Variants in DDHD1 observed in about 807,000 individuals in gnomAD.
The protein encoded by DDHD1 is phospholipase DDHD1.
A neutral mutation model predicts 96.4 loss-of-function variants in DDHD1; 49 were observed. The observed-to-expected ratio is 0.51, with a 90% CI of 0.40 to 0.64. The LOEUF (loss-of-function observed/expected upper bound fraction) is 0.64, where lower values mean the gene tolerates loss of function less well. Ranked by LOEUF, DDHD1 falls within the 30% of genes least tolerant of loss-of-function variation. The pLI, the probability that DDHD1 is intolerant of heterozygous loss-of-function variation, is 0.00. For synonymous variants in DDHD1, 442 were observed against 446.5 expected, an observed-to-expected ratio of 0.99 and a Z score of 0.13; for missense variants, 1,106 against 1,161.2, an observed-to-expected ratio of 0.95 and a Z score of 0.69.
At chr14:53,109,645 C>T (rs951362091) in intron 1 of DDHD1, among the ~76,000 whole-genome samples, 1 of 152,026 alleles carries the variant, frequency 6.6e-6, no homozygotes, top group Non-Finnish European at 1.5e-5. Context: ...GGAGGACATG[C>T]GGAGAGATTT....
intron 6 of DDHD1, among the ~76,000 whole-genome samples, chr14:53,064,184 T>A (rs1883830077): frequency 6.6e-6 from 1 of 152,100 alleles, no homozygotes; most frequent in Non-Finnish European, 1.5e-5. Context: ...TTGATAAGAA[T>A]ATCAACCAAT....
At chr14:53,089,477 A>G (rs1217498734) in intron 4 of DDHD1, among the ~76,000 whole-genome samples, 1 of 152,216 alleles carries the variant, frequency 6.6e-6, no homozygotes, top group African/African-American at 2.4e-5. Flanking sequence ...ATATACACCA[A>G]TGGAACAGAA....
intron 11 of DDHD1, 75 bp from the exon 12 acceptor site, chr14:53,052,002 A>G: frequency 9.6e-7 from 1 of 1,036,270 alleles, no homozygotes; most frequent in Non-Finnish European, 1.5e-6. Context: ...TGTAGTGGCC[A>G]AAAGTTAGAA....
chr14:53,069,925 G>A (rs912932477), intron 6 of DDHD1, among the ~76,000 whole-genome samples: 2 of 152,080 alleles, frequency 1.3e-5, no homozygotes, highest in African/African-American at 4.8e-5. Context: ...CAAAGGACTG[G>A]GTGTTCCCTT....
At chr14:53,088,972 G>C (rs1376847846) in intron 4 of DDHD1, among the ~76,000 whole-genome samples, 2 of 152,178 alleles carry the variant, frequency 1.3e-5, no homozygotes, top group African/African-American at 4.8e-5. Flanking sequence ...CTTCAGCAAA[G>C]TCTCGGGATA....
rs1192133294 is a variant in DDHD1 at position 53,113,123 on chromosome 14, C to T, written c.839-9267G>A. Among the ~76,000 whole-genome samples the T allele has an allele frequency of 2.6e-5, 4 of 151,664 alleles. No individual in the cohort carries two copies. The East Asian group carries it at 7.7e-4, about 29-fold the overall frequency. On this transcript the variant is annotated intron_variant, in intron 1 of 12. Transcript: ENST00000673822. Reference sequence around the variant, plus strand: ...TATAGGGGTGCACCACCACACCTGGCTAACTTTTCTATTTTTTTTTTTTAG... The same window carrying T: ...TATAGGGGTGCACCACCACACCTGGTTAACTTTTCTATTTTTTTTTTTTAG...
At chr14:53,093,571 A>G (rs541197670) in intron 2 of DDHD1, 127 bp from the exon 3 acceptor site, 2 of 1,212,488 alleles carry the variant, frequency 1.6e-6, no homozygotes, top group Admixed American at 2.8e-5. Context: ...ACTTAATTCA[A>G]TAAAACACTA....
In DDHD1 at chr14:53,051,896, G is replaced by C. The variant is rs1882609036; in HGVS notation, c.2469C>G (p.Leu823=). The C allele has an allele frequency of 1.3e-6, 2 of 1,596,984 alleles. No homozygotes were observed. The highest frequency in any genetic ancestry group is 1.7e-6 in the Non-Finnish European group (2 of 1,170,972). ...YFRLQESFFN[L]PQLLFPENVM... ...CATTTTCCGGAAAAAGAAGTTGTGG[G>C]AGATTAAAGAACGATTCTTGAAGTC... The change falls in exon 12 of 13, where the codon CTC becomes CTG. Residue 823 remains leucine (L), a synonymous_variant. Transcript: ENST00000673822.
intron 4 of DDHD1, among the ~76,000 whole-genome samples, chr14:53,083,069 T>G (rs1396025008): frequency 6.6e-6 from 1 of 152,154 alleles, no homozygotes; most frequent in African/African-American, 2.4e-5. Flanking sequence ...TACTCCATAT[T>G]TTAATATTTT....
chr14:53,089,357 G>A (rs1886244680), intron 4 of DDHD1, among the ~76,000 whole-genome samples: 1 of 152,112 alleles, frequency 6.6e-6, no homozygotes, highest in Non-Finnish European at 1.5e-5. Flanking sequence ...ACATAGCCAA[G>A]ACAATCCTAA....
chr14:53,056,919 G>A (rs1003468889), intron 9 of DDHD1, among the ~76,000 whole-genome samples: 2 of 152,162 alleles, frequency 1.3e-5, no homozygotes, highest in Non-Finnish European at 2.9e-5. Context: ...TTCAAGTTAC[G>A]AGACAATGAA....
chr14:53,075,849 T>C (rs879552688), intron 4 of DDHD1, among the ~76,000 whole-genome samples: 3 of 152,054 alleles, frequency 2.0e-5, no homozygotes, highest in Non-Finnish European at 4.4e-5. Flanking sequence ...GCTCTATAAA[T>C]AGAACAACAA....
intron 1 of DDHD1, among the ~76,000 whole-genome samples, chr14:53,138,352 C>G (rs772545843): frequency 6.6e-6 from 1 of 152,104 alleles, no homozygotes; most frequent in Non-Finnish European, 1.5e-5. Flanking sequence ...CTGCAGTGAG[C>G]CAAAATTGTG....
chr14:53,111,368 A>G (rs753472931), intron 1 of DDHD1, among the ~76,000 whole-genome samples: 7 of 151,710 alleles, frequency 4.6e-5, no homozygotes, highest in Non-Finnish European at 7.3e-5. Flanking sequence ...TAGGGTAAAG[A>G]CTATATCCCA....
intron 4 of DDHD1, among the ~76,000 whole-genome samples, chr14:53,075,520 G>A (rs1018245435): frequency 2.6e-5 from 4 of 152,162 alleles, no homozygotes; most frequent in Non-Finnish European, 5.9e-5. Flanking sequence ...GAGGTTTAAG[G>A]AAAGAAGCTG....
chr14:53,152,393 C>T lies in DDHD1; in HGVS notation c.706G>A (p.Gly236Ser). ...TGCCCCGTCGTACTCTGGCAGAAGC[C>T]GCAGGCGCGGTCCTCATCGTCATCT... Reference protein sequence around the residue: ...GEDDDEDRACGFCQSTTGHEP... With the variant: ...GEDDDEDRACSFCQSTTGHEP... The change falls in exon 1 of 13, where the codon GGC becomes AGC. Residue 236 changes from glycine (G) to serine (S), a missense_variant. Physicochemically the swap from Gly to Ser is moderately conservative, Grantham distance 56. Coordinates refer to ENST00000673822, the MANE Select transcript of DDHD1 (RefSeq NM_001160148.2). 1 of 1,613,940 alleles carries T rather than the reference C, an allele frequency of 6.2e-7. No individual in the cohort carries two copies. Among genetic ancestry groups the T allele is most frequent in the Non-Finnish European group, 8.5e-7 (1 of 1,179,970 alleles).
chr14:53,093,834 T>G (rs1886646764), intron 2 of DDHD1: 1 of 164,698 alleles, frequency 6.1e-6, no homozygotes, highest in Non-Finnish European at 1.3e-5. Context: ...CAACTTAATT[T>G]CAGTTTCTTC....
chr14:53,091,270 G>T (rs1317826940), intron 4 of DDHD1, among the ~76,000 whole-genome samples: 1 of 152,130 alleles, frequency 6.6e-6, no homozygotes, highest in Non-Finnish European at 1.5e-5. Flanking sequence ...GGATAAAGCT[G>T]AATATAAATA....
intron 1 of DDHD1, among the ~76,000 whole-genome samples, chr14:53,147,590 T>A (rs1020328379): frequency 1.3e-5 from 2 of 152,120 alleles, no homozygotes; most frequent in African/African-American, 4.8e-5. Flanking sequence ...TCCATTCACA[T>A]CCTTTTTCTG....
Sources: gnomAD v4.1 joint callset for allele counts (sites outside exome capture counted in the v4.1 genomes callset) on GRCh38, gnomAD v4.1.1 for gene constraint, MANE v1.5 for transcripts, NCBI Gene and HGNC (gene_info 2026-07-23, HGNC 2026-07-21) for gene names.